The following TPO variants were observed in gnomAD, a reference collection of about 807,000 sequenced individuals.
TPO encodes thyroid microsomal antigen.
In TPO, 78 loss-of-function variants were observed where a neutral mutation model predicts 96.9. The observed-to-expected ratio is 0.81, with a 90% CI of 0.67 to 0.97. The LOEUF (loss-of-function observed/expected upper bound fraction) is 0.97, where lower values mean the gene tolerates loss of function less well. TPO is among the 50% of genes least tolerant of loss of function. The pLI is 0.00. For synonymous variants in TPO, 547 were observed against 538.0 expected (o/e 1.02, Z -0.23); for missense variants, 1,252 against 1,274.8 (o/e 0.98, Z 0.27).
intron 1 of TPO, among the ~76,000 whole-genome samples, chr2:1,394,279 A>G (rs957272336): frequency 5.3e-5 from 8 of 152,250 alleles, no homozygotes; most frequent in African/African-American, 1.2e-4. Context: ...TTCCTGTAAT[A>G]TAAGAACCTT....
chr2:1,453,946 C>T, intron 6 of TPO, 123 bp downstream of exon 6: 1 of 1,426,288 alleles, frequency 7.0e-7, no homozygotes, highest in South Asian at 1.2e-5. Flanking sequence ...TTCAGATCCT[C>T]CCAGCCTCCC....
chr2:1,410,780 A>G (rs1662320799), upstream of TPO, among the ~76,000 whole-genome samples: 1 of 151,876 alleles, frequency 6.6e-6, no homozygotes, highest in African/African-American at 2.4e-5. Flanking sequence ...TTACTGTATC[A>G]TGCGTTCCTT....
rs141213718 is a variant in TPO at position 1,430,941 on chromosome 2, G to C, written c.180-2497G>C. Among the ~76,000 whole-genome samples, 485 of 152,324 alleles carry C rather than the reference G, an allele frequency of 3.2e-3. 4 individuals carry two copies. Among genetic ancestry groups the C allele is most frequent in the South Asian group, 9.7e-3 (47 of 4,826 alleles). On this transcript the variant is annotated intron_variant, in intron 3 of 16. Transcript: ENST00000329066. The stretch of plus-strand genomic sequence containing the variant: ...GTAGAAGGACCTCATCTCCAGATGA[G>C]ACTTTGGACTTGGGATTTTGAGTTA...
At chr2:1,476,439 A>G (rs1429083445) in intron 7 of TPO, among the ~76,000 whole-genome samples, 5 of 152,230 alleles carry the variant, frequency 3.3e-5, no homozygotes, top group African/African-American at 7.2e-5. Context: ...AGAAGATGGA[A>G]GCTGGCCACA....
At chr2:1,463,979 T>C (rs1215548629) in intron 7 of TPO, among the ~76,000 whole-genome samples, 2 of 152,042 alleles carry the variant, frequency 1.3e-5, no homozygotes, top group Non-Finnish European at 2.9e-5. Flanking sequence ...ATTTGTGAGA[T>C]TTCGGTGCAC....
At chr2:1,526,068 C>A (rs550286212) in intron 15 of TPO, among the ~76,000 whole-genome samples, 1 of 113,548 alleles carries the variant, frequency 8.8e-6, no homozygotes, top group South Asian at 3.8e-4. Context: ...CCACTGTGCG[C>A]AACCTCCCCA....
chr2:1,484,734 G>A lies in TPO; in HGVS notation c.1477G>A (p.Gly493Ser), dbSNP rs778515113. 2.0e-5 allele frequency: 32 copies of A among 1,613,900 alleles called. No homozygotes were observed. The highest frequency in any genetic ancestry group is 6.7e-5 in the Admixed American group (4 of 59,978). The change falls in exon 9 of 17, where the codon GGC becomes AGC. Residue 493 changes from glycine (G) to serine (S), a missense_variant. Transcript: ENST00000329066. The part of the protein sequence containing the change: ...NVFSTAAFRF[G>S]HATIHPLVRR... The stretch of plus-strand genomic sequence containing the variant: ...GTTCTCCACAGCCGCCTTCCGCTTC[G>A]GCCATGCCACGATCCACCCGCTGGT...
At chr2:1,484,910 AT>A (rs1227929517) in intron 9 of TPO, 56 bp downstream of exon 9, 4 of 1,599,470 alleles carry the variant, frequency 2.5e-6, no homozygotes, top group Non-Finnish European at 3.4e-6. Flanking sequence ...TCTTTTTTTA[AT>A]TTTTTTAAAT....
Position 1,490,011 on chromosome 2 carries a change from C to T in TPO, c.1768+2020C>T, listed in dbSNP as rs373957137. Among the ~76,000 whole-genome samples, 278 of 93,316 alleles carry T rather than the reference C, an allele frequency of 3.0e-3. 3 individuals carry two copies. The highest frequency in any genetic ancestry group is 0.01 in the African/African-American group (223 of 21,422). The allele number at this position is 93,316 out of a possible 152,430, so 61.2% of individuals were successfully genotyped here. A position where few individuals can be genotyped will look rare whatever the true frequency, so the allele number is the denominator to read the frequency against. On this transcript the variant is annotated intron_variant, in intron 10 of 16. Transcript: ENST00000329066. ...AGTCACGACACAGCAGTGTAAGAGC[C>T]GCCACGAGGGTCCCACACAGGGGGA...
upstream of TPO, among the ~76,000 whole-genome samples, chr2:1,409,990 A>G (rs1662305325): frequency 1.4e-5 from 2 of 145,802 alleles, no homozygotes; most frequent in Admixed American, 6.8e-5. Context: ...CATGGGGGGG[A>G]CAGGTGCCGT....
chr2:1,455,939 C>T, intron 6 of TPO, 137 bp from the exon 7 acceptor site: 1 of 847,606 alleles, frequency 1.2e-6, no homozygotes, highest in Non-Finnish European at 2.0e-6. Flanking sequence ...TGCCCTAACT[C>T]CAGGGCACAG....
intron 3 of TPO, 52 bp from the exon 4 acceptor site, chr2:1,433,386 C>T (rs1665225173): frequency 3.7e-6 from 6 of 1,603,534 alleles, no homozygotes; most frequent in Non-Finnish European, 2.6e-6. Flanking sequence ...AATTAAGTAC[C>T]AAAGATACCA....
At chr2:1,494,960 C>T (rs1020891736) in intron 11 of TPO, among the ~76,000 whole-genome samples, 1 of 152,030 alleles carries the variant, frequency 6.6e-6, no homozygotes, top group Non-Finnish European at 1.5e-5. Context: ...GAACTTGTCT[C>T]CCTTATAGCT....
chr2:1,507,709 G>A (rs1482266063), intron 14 of TPO, among the ~76,000 whole-genome samples: 1 of 151,912 alleles, frequency 6.6e-6, no homozygotes, highest in Non-Finnish European at 1.5e-5. Flanking sequence ...GTATAAGAAT[G>A]CTTGTGATTT....
At chr2:1,540,767 G>C in intron 16 of TPO, 44 bp downstream of exon 16, 1 of 1,613,156 alleles carries the variant, frequency 6.2e-7, no homozygotes, top group Non-Finnish European at 8.5e-7. Context: ...CACCGCAGTG[G>C]TTGGACAGGA....
chr2:1,397,483 C>T (rs1253500298), intron 1 of TPO, among the ~76,000 whole-genome samples: 1 of 152,176 alleles, frequency 6.6e-6, no homozygotes, highest in African/African-American at 2.4e-5. Context: ...AGCCGTGCTC[C>T]AGTGCAGAGG....
chr2:1,468,083 T>C (rs1405412722), intron 7 of TPO, among the ~76,000 whole-genome samples: 1 of 151,952 alleles, frequency 6.6e-6, no homozygotes, highest in Non-Finnish European at 1.5e-5. Flanking sequence ...TGAGTCCTTA[T>C]GTGTTAGGCA....
chr2:1,419,700 T>G (rs1338151239), intron 2 of TPO, among the ~76,000 whole-genome samples: 1 of 152,184 alleles, frequency 6.6e-6, no homozygotes, highest in African/African-American at 2.4e-5. Context: ...CAAAGTCCTT[T>G]GCTTTGGTCT....
intron 10 of TPO, among the ~76,000 whole-genome samples, chr2:1,489,934 G>T (rs1017836979): frequency 1.7e-5 from 2 of 115,350 alleles, no homozygotes; most frequent in Non-Finnish European, 1.9e-5. Flanking sequence ...GCACACAGGA[G>T]GAGTCACGAC....
Sources: gnomAD v4.1 joint callset for allele counts (sites outside exome capture counted in the v4.1 genomes callset) on GRCh38, gnomAD v4.1.1 for gene constraint, MANE v1.5 for transcripts, NCBI Gene and HGNC (gene_info 2026-07-23, HGNC 2026-07-21) for gene names.